ATP13A1: variants seen among roughly 807,000 people sequenced by gnomAD.
The protein encoded by ATP13A1 is endoplasmic reticulum transmembrane helix translocase.
In ATP13A1, 55 loss-of-function variants were observed where a neutral mutation model predicts 134.8. That is an observed-to-expected ratio of 0.41 (90% CI 0.33 to 0.51). The LOEUF (loss-of-function observed/expected upper bound fraction) is 0.51, where lower values mean the gene tolerates loss of function less well. ATP13A1 is among the 20% of genes least tolerant of loss of function. The probability of loss-of-function intolerance (pLI) is 0.29; values close to 1 mark genes in which losing one functional copy is unlikely to be tolerated. For synonymous variants in ATP13A1, 775 were observed against 725.1 expected (o/e 1.07, Z -1.10); for missense variants, 1,389 against 1,652.8 (o/e 0.84, Z 2.77).
Position 19,655,734 on chromosome 19 carries a change from G to A in ATP13A1, c.1270-80C>T, listed in dbSNP as rs1021428550. 328 of 1,553,578 alleles carry A rather than the reference G, an allele frequency of 2.1e-4. No individual in the cohort carries two copies. Among genetic ancestry groups the A allele is most frequent in the Non-Finnish European group, 2.6e-4 (297 of 1,149,302 alleles). ...GGCCTGGAAGCGTGGGCCTGGTCTT[G>A]GGGTGGCCTCTGCACCCTGGCCCAG... On this transcript the variant is annotated intron_variant, in intron 9 of 25. Transcript: ENST00000357324. The surrounding 1 kb of genome is among the most constrained non-coding windows in gnomAD (Gnocchi z 5.7).
rs1238701513 is a variant in ATP13A1, at chr19:19,655,988, A to G, written c.1214-55T>C. On this transcript the variant is annotated intron_variant, in intron 8 of 25. Transcript: ENST00000357324. The surrounding 1 kb of genome is among the most constrained non-coding windows in gnomAD (Gnocchi z 5.7). ...CCTGTCTCCTCGTCCTGACTCCCTCATGATCAAGCAGACGGGCAAAGGGGG... is the reference window on the plus strand; with the variant it reads ...CCTGTCTCCTCGTCCTGACTCCCTCGTGATCAAGCAGACGGGCAAAGGGGG... The G allele has an allele frequency of 3.1e-6, 5 of 1,610,600 alleles. No individual in the cohort carries two copies. The African/African-American group carries it at 5.3e-5, about 17-fold the overall frequency.
chr19:19,652,536 T>C, intron 16 of ATP13A1, 59 bp downstream of exon 16: 2 of 1,554,838 alleles, frequency 1.3e-6, no homozygotes, highest in Middle Eastern at 3.4e-4. Flanking sequence ...GAAGCTGTAA[T>C]TGTCATCTCC....
rs778066365 is a variant in ATP13A1, at chr19:19,655,475, AC to A, written c.1397-23del. ...GTACCTGTGGAGACAGGGCCTGCCA[AC>A]CTGGAGCCTCGGAGGGTGGGCGCAG... On this transcript the variant is annotated intron_variant, in intron 10 of 25. Coordinates refer to ENST00000357324, the MANE Select transcript of ATP13A1 (RefSeq NM_020410.3). This position sits in a 1 kb window ranked among gnomAD's most constrained non-coding sequence, Gnocchi z 5.7. 40 of 1,613,902 alleles carry A rather than the reference AC, an allele frequency of 2.5e-5. No homozygotes were observed. The highest frequency in any genetic ancestry group is 3.2e-5 in the Non-Finnish European group (38 of 1,179,844).
At chr19:19,662,117 C>T (rs775289958) in intron 1 of ATP13A1, 1 of 1,566,958 alleles carries the variant, frequency 6.4e-7, no homozygotes, top group South Asian at 1.2e-5. Flanking sequence ...ACTTCTCCAT[C>T]CCTGGAGAGG....
At chr19:19,646,415 G>A (rs1372674448) in intron 22 of ATP13A1, 68 bp from the exon 23 acceptor site, 2 of 1,581,610 alleles carry the variant, frequency 1.3e-6, no homozygotes, top group Non-Finnish European at 1.7e-6. Flanking sequence ...CCACACAGCA[G>A]GCAGTAACAT....
intron 17 of ATP13A1, chr19:19,650,175 C>A (rs1172155041): frequency 1.7e-6 from 1 of 586,958 alleles, no homozygotes; most frequent in Admixed American, 3.1e-5. Flanking sequence ...GCCCGGGACA[C>A]AGCCAGATTA....
At chr19:19,646,649 G>A (rs953834076) in intron 22 of ATP13A1, 9 of 453,658 alleles carry the variant, frequency 2.0e-5, no homozygotes, top group Non-Finnish European at 3.2e-5. Context: ...GCACAGTCCC[G>A]CCCAGCCAAT....
At chr19:19,663,171 A>T in intron 1 of ATP13A1, 100 bp downstream of exon 1, 2 of 1,499,726 alleles carry the variant, frequency 1.3e-6, no homozygotes, top group Non-Finnish European at 1.8e-6. Context: ...CAGGCAGATG[A>T]GTGGCCCAGG....
chr19:19,649,477 G>A (rs2062010002), intron 19 of ATP13A1, 90 bp downstream of exon 19: 1 of 1,378,932 alleles, frequency 7.3e-7, no homozygotes, highest in East Asian at 2.5e-5. Flanking sequence ...CCCCGTGGCT[G>A]TCACCAAGGG....
chr19:19,656,996 G>C lies in ATP13A1; in HGVS notation c.904C>G (p.Gln302Glu), dbSNP rs903442890. 1 of 1,596,310 alleles carries C rather than the reference G, an allele frequency of 6.3e-7. No individual in the cohort carries two copies. ...CTGGGTCTCCCTGGCAGCCACACCT[G>C]GATCATGTGGGGCTTGTTGCCCATC... ...RKMGNKPHMI[Q>E]VYRSRKWRPI... The change falls in exon 5 of 26, where the codon CAG becomes GAG. Residue 302 changes from glutamine to glutamate, a missense_variant and splice_region_variant. By Grantham distance (29) the Gln-to-Glu change is conservative (BLOSUM62 2). Transcript: ENST00000357324. This position sits in a 1 kb window ranked among gnomAD's most constrained non-coding sequence, Gnocchi z 4.6.
Position 19,647,478 on chromosome 19 carries a change from A to G in ATP13A1, c.2844T>C (p.Ile948=). Residue 948 remains isoleucine (I), a synonymous_variant, in exon 21 of 26, where the codon ATT becomes ATC. Coordinates refer to ENST00000357324, the MANE Select transcript of ATP13A1 (RefSeq NM_020410.3). This position sits in a 1 kb window ranked among gnomAD's most constrained non-coding sequence, Gnocchi z 4.8. ...CGATGCTGGCATCCCCCAGTTTCAC[A>G]ATGGGCGTACTCTCGTCCTCGAGGT... ...LRDLEDESTP[I]VKLGDASIAA... The G allele has an allele frequency of 6.2e-7, 1 of 1,613,516 alleles. No individual in the cohort carries two copies. The highest frequency in any genetic ancestry group is 1.3e-5 in the African/African-American group (1 of 75,012).
chr19:19,651,699 G>A lies in ATP13A1; in HGVS notation c.2325C>T (p.Pro775=), dbSNP rs200775258. ...EKAHTLILQP[P]SEKGRQCEWR... The stretch of plus-strand genomic sequence containing the variant: ...AGGCTAGGGCCTCACCTTTCTCGGA[G>A]GGAGGCTGCAGGATCAGCGTGTGGG... Residue 775 remains proline, a synonymous_variant, in exon 17 of 26, where the codon CCC becomes CCT. Transcript: ENST00000357324. 3 of 1,611,668 alleles carry A rather than the reference G, an allele frequency of 1.9e-6. No homozygotes were observed. Among genetic ancestry groups the A allele is most frequent in the Non-Finnish European group, 2.5e-6 (3 of 1,178,956 alleles).
Position 19,650,361 on chromosome 19 carries a change from G to A in ATP13A1, c.2336-421C>T, listed in dbSNP as rs142600755. 812 of 186,382 alleles carry A rather than the reference G, an allele frequency of 4.4e-3. 13 individuals are homozygous for A. Among genetic ancestry groups the A allele is most frequent in the African/African-American group, 0.018 (758 of 42,550 alleles). 11.5% of individuals were successfully genotyped at this position (186,382 alleles called of 1,614,324 possible). Reference sequence around the variant, plus strand: ...TGAAATCCTGTTTTCTCGGGGCTGGGCCCCCTCCCAACTCTGACAGGGCCC... The same window carrying A: ...TGAAATCCTGTTTTCTCGGGGCTGGACCCCCTCCCAACTCTGACAGGGCCC... On this transcript the variant is annotated intron_variant, in intron 17 of 25. Transcript: ENST00000357324.
Position 19,663,672 on chromosome 19 carries a change from C to G in ATP13A1, c.-6G>C, listed in dbSNP as rs1360355664. The stretch of plus-strand genomic sequence containing the variant: ...ACCGCCGCCGCTGCCGCCATCTTTC[C>G]TAGCGCCGCGCTCACTTCCGGGCAG... On this transcript the variant is annotated 5_prime_UTR_variant, in exon 1 of 26. Transcript: ENST00000357324. 4 of 1,280,892 alleles carry G rather than the reference C, an allele frequency of 3.1e-6. No homozygotes were observed. Among genetic ancestry groups the G allele is most frequent in the Non-Finnish European group, 3.9e-6 (4 of 1,017,632 alleles). The allele number at this position is 1,280,892 out of a possible 1,614,324, so 79.3% of individuals were successfully genotyped here.
intron 19 of ATP13A1, 129 bp downstream of exon 19, chr19:19,649,438 C>G (rs908672309): frequency 4.1e-5 from 41 of 989,020 alleles, no homozygotes; most frequent in Non-Finnish European, 6.1e-5. Flanking sequence ...GACCTTGCCA[C>G]CCCCTCCCAT....
chr19:19,651,871 G>A, intron 16 of ATP13A1, 74 bp from the exon 17 acceptor site: 1 of 1,230,082 alleles, frequency 8.1e-7, no homozygotes, highest in Non-Finnish European at 1.2e-6. Flanking sequence ...AGGCTGCCAA[G>A]TCTCCTTCTA....
Position 19,654,640 on chromosome 19 carries a change from G to C in ATP13A1, c.1716C>G (p.Ala572=), listed in dbSNP as rs2062045583. 2.5e-6 allele frequency: 4 copies of C among 1,613,654 alleles called. No homozygotes were observed. Among genetic ancestry groups the C allele is most frequent in the Non-Finnish European group, 1.7e-6 (2 of 1,179,878 alleles). The part of the protein sequence containing the change: ...SIPVETHRAL[A]SCHSLMQLDD... The stretch of plus-strand genomic sequence containing the variant: ...CCAGCTGCATGAGCGAGTGGCACGA[G>C]GCCAGGGCCCGGTGTGTTTCTACAG... The change falls in exon 13 of 26, where the codon GCC becomes GCG. Residue 572 remains alanine (A), a synonymous_variant. Coordinates refer to ENST00000357324, the MANE Select transcript of ATP13A1 (RefSeq NM_020410.3).
rs978786530 is a variant in ATP13A1, at chr19:19,656,590, C to T, written c.1083+70G>A. On this transcript the variant is annotated intron_variant, in intron 7 of 25. Transcript: ENST00000357324. This position sits in a 1 kb window ranked among gnomAD's most constrained non-coding sequence, Gnocchi z 4.6. ...TGTGCCTGAGGGGGATCCCCGCCAC[C>T]CCCTGGGCCTCCACCTCCTGGCCTG... 3.3e-6 allele frequency: 5 copies of T among 1,497,148 alleles called. No homozygotes were observed. Among genetic ancestry groups the T allele is most frequent in the Non-Finnish European group, 3.6e-6 (4 of 1,096,750 alleles). 92.7% of individuals were successfully genotyped at this position (1,497,148 alleles called of 1,614,324 possible).
chr19:19,652,462 T>C (rs2062030884), intron 16 of ATP13A1, 133 bp downstream of exon 16: 2 of 1,325,708 alleles, frequency 1.5e-6, no homozygotes, highest in Non-Finnish European at 2.0e-6. Context: ...TGTTAGCACC[T>C]GAGCTATGAT....
Sources: allele counts gnomAD v4.1 joint callset, GRCh38; gene constraint gnomAD v4.1.1; non-coding constraint Gnocchi (gnomAD v3.1); transcripts MANE v1.5; gene names NCBI Gene and HGNC (gene_info 2026-07-23, HGNC 2026-07-21).